ASXL3: variants seen among roughly 807,000 people sequenced by gnomAD.
ASXL3 encodes putative Polycomb group protein ASXL3.
In ASXL3, 34 loss-of-function variants were observed where a neutral mutation model predicts 170.6. The observed-to-expected ratio is 0.20, with a 90% CI of 0.15 to 0.27. The LOEUF is 0.27. Ranked by LOEUF, ASXL3 falls within the 10% of genes least tolerant of loss-of-function variation. ASXL3 has a pLI of 1.00. For synonymous variants in ASXL3, 1,002 were observed against 989.1 expected, an observed-to-expected ratio of 1.01 and a Z score of -0.24; for missense variants, 2,592 against 2,695.3, an observed-to-expected ratio of 0.96 and a Z score of 0.85.
chr18:33,586,404 C>CTTTT (rs56692329), intron 1 of ASXL3, among the ~76,000 whole-genome samples: 90 of 151,014 alleles, frequency 6.0e-4, no homozygotes, highest in African/African-American at 1.9e-3. Context: ...AATTGCCTTC[C>CTTTT]TTTTTTTTTA....
At chr18:33,696,638 G>A (rs2066777275) in intron 8 of ASXL3, among the ~76,000 whole-genome samples, 1 of 152,064 alleles carries the variant, frequency 6.6e-6, no homozygotes, top group Non-Finnish European at 1.5e-5. Flanking sequence ...CTGAGTGAGG[G>A]GGGCTGGAGG....
intron 1 of ASXL3, among the ~76,000 whole-genome samples, chr18:33,585,585 T>C (rs894473891): frequency 6.6e-6 from 1 of 152,192 alleles, no homozygotes; most frequent in Non-Finnish European, 1.5e-5. Flanking sequence ...GGTCTCCTGG[T>C]TGATTGACAT....
intron 4 of ASXL3, among the ~76,000 whole-genome samples, chr18:33,656,971 A>G (rs1331419166): frequency 2.0e-5 from 3 of 152,150 alleles, no homozygotes; most frequent in African/African-American, 7.2e-5. Flanking sequence ...GATTTTTAAA[A>G]AATTCAATGA....
At chr18:33,586,317 G>C (rs1225697952) in intron 1 of ASXL3, among the ~76,000 whole-genome samples, 1 of 151,862 alleles carries the variant, frequency 6.6e-6, no homozygotes, top group Non-Finnish European at 1.5e-5. Context: ...AGGACTCTTT[G>C]TGACCCTCCA....
chr18:33,732,424 A>G (rs539640627), intron 9 of ASXL3, among the ~76,000 whole-genome samples: 1 of 152,290 alleles, frequency 6.6e-6, no homozygotes, highest in South Asian at 2.1e-4. Flanking sequence ...TTACTGCTTC[A>G]CCTTATCCTT....
Position 33,743,795 on chromosome 18 carries a change from G to C in ASXL3, c.3947G>C (p.Ser1316Thr). 6.2e-7 allele frequency: 1 copy of C among 1,613,972 alleles called. No homozygotes were observed. The part of the protein sequence containing the change: ...SATTEGSSIS[S>T]SMDDKQLLIS... ...ACTACAGAGGGCTCCAGCATATCAA[G>C]CTCCATGGATGATAAGCAGTTACTA... Residue 1316 changes from serine to threonine, a missense_variant, in exon 12 of 12, where the codon AGC becomes ACC. This residue lies in a region of ASXL3 where 2,246 missense variants were observed against 2,219.6 expected (regional missense o/e 1.01). Transcript: ENST00000269197.
intron 1 of ASXL3, among the ~76,000 whole-genome samples, chr18:33,588,118 C>T (rs1280750754): frequency 6.6e-6 from 1 of 151,880 alleles, no homozygotes; most frequent in African/African-American, 2.4e-5. Context: ...TGGTTTATAA[C>T]CTATTGATTG....
chr18:33,712,832 G>T (rs2067090530), intron 8 of ASXL3, among the ~76,000 whole-genome samples: 2 of 152,258 alleles, frequency 1.3e-5, no homozygotes, highest in South Asian at 4.1e-4. Flanking sequence ...CATGATAGTG[G>T]TTTTTCTCTC....
chr18:33,690,065 C>T (rs2066663091), intron 8 of ASXL3, among the ~76,000 whole-genome samples: 1 of 151,772 alleles, frequency 6.6e-6, no homozygotes, highest in Admixed American at 6.6e-5. Context: ...ACTGTGTTGC[C>T]CAGGGTGGTC....
rs568221465 is a variant in ASXL3, at chr18:33,676,222, C to CAAAAAAAA, written c.715+4374_715+4381dup. Among the ~76,000 whole-genome samples, 36 of 41,732 alleles carry CAAAAAAAA rather than the reference C, an allele frequency of 8.6e-4. 5 individuals are homozygous for CAAAAAAAA. Among genetic ancestry groups the CAAAAAAAA allele is most frequent in the East Asian group, 5.2e-3 (4 of 768 alleles). The allele number at this position is 41,732 out of a possible 152,430, so 27.4% of individuals were successfully genotyped here. A position where few individuals can be genotyped will look rare whatever the true frequency, so the allele number is the denominator to read the frequency against. ...CTGGGTGACGAGCGAGACTCCGTCTCAAAAAAAAAAAAAAAAAAAAAAAAA... is the reference window on the plus strand; with the variant it reads ...CTGGGTGACGAGCGAGACTCCGTCTCAAAAAAAAAAAAAAAAAAAAAAAAAAAAAAAAA... On this transcript the variant is annotated intron_variant, in intron 7 of 11. Transcript: ENST00000269197.
chr18:33,705,355 G>A (rs1461392513), intron 8 of ASXL3, among the ~76,000 whole-genome samples: 1 of 149,688 alleles, frequency 6.7e-6, no homozygotes, highest in Non-Finnish European at 1.5e-5. Flanking sequence ...TTTGGAAAAT[G>A]TGTTTTTTGT....
At chr18:33,652,076 T>C (rs2066007566) in intron 4 of ASXL3, among the ~76,000 whole-genome samples, 1 of 152,034 alleles carries the variant, frequency 6.6e-6, no homozygotes, top group South Asian at 2.1e-4. Context: ...ATGATTTAGG[T>C]GAATTACTTG....
rs1166675107 is a variant in ASXL3 at position 33,744,587 on chromosome 18, C to G, written c.4739C>G (p.Ala1580Gly). ...CCGACTGCTCCCAGTCATAACTTTGCTGAGCAGGCACGTGGCCCAGCTCCT... is the reference window on the plus strand; with the variant it reads ...CCGACTGCTCCCAGTCATAACTTTGGTGAGCAGGCACGTGGCCCAGCTCCT... ...NEPTAPSHNFAEQARGPAPFK... is the reference protein window; with the variant it reads ...NEPTAPSHNFGEQARGPAPFK... The change falls in exon 12 of 12, where the codon GCT (alanine) becomes GGT (glycine). Residue 1580 changes from alanine to glycine, a missense_variant. By Grantham distance (60) the Ala-to-Gly change is moderately conservative. This residue lies in a region of ASXL3 where 2,246 missense variants were observed against 2,219.6 expected (regional missense o/e 1.01). Transcript: ENST00000269197. The G allele has an allele frequency of 8.7e-6, 14 of 1,610,486 alleles. No individual in the cohort carries two copies. The highest frequency in any genetic ancestry group is 1.2e-5 in the Non-Finnish European group (14 of 1,178,542).
chr18:33,701,566 C>G (rs1192530854), intron 8 of ASXL3, among the ~76,000 whole-genome samples: 1 of 151,390 alleles, frequency 6.6e-6, no homozygotes, highest in African/African-American at 2.4e-5. Flanking sequence ...GGGTTTTTTT[C>G]TTCACTGATT....
At chr18:33,735,022 A>G (rs528893833) in intron 10 of ASXL3, among the ~76,000 whole-genome samples, 11 of 152,298 alleles carry the variant, frequency 7.2e-5, no homozygotes, top group African/African-American at 2.4e-4. Flanking sequence ...ACAGAGACAC[A>G]TTCTGCTTTG....
At position 33,578,532 on chromosome 18, in the gene ASXL3, GCGGGTCAC is replaced by G. The variant is rs1393699875; in HGVS notation, c.-91_-84del. On this transcript the variant is annotated 5_prime_UTR_variant, in exon 1 of 12. Transcript: ENST00000269197. The stretch of plus-strand genomic sequence containing the variant: ...GCGCGCCTCCCCCCGCGGAGCGAGT[GCGGGTCAC>G]CGGGTCACTGGGTCATTGTCTCCGC... 5 of 663,258 alleles carry G rather than the reference GCGGGTCAC, an allele frequency of 7.5e-6. No individual in the cohort carries two copies. Among genetic ancestry groups the G allele is most frequent in the Non-Finnish European group, 8.0e-6 (4 of 501,556 alleles). The allele number at this position is 663,258 out of a possible 1,614,324, so 41.1% of individuals were successfully genotyped here.
chr18:33,749,076 C>CTTTTT lies in ASXL3; in HGVS notation c.*2494_*2498dup, dbSNP rs10616181. 2.3e-5 allele frequency: 3 copies of CTTTTT among 128,448 alleles called. No individual in the cohort carries two copies. Among genetic ancestry groups the CTTTTT allele is most frequent in the Admixed American group, 7.9e-5 (1 of 12,606 alleles). The allele number at this position is 128,448 out of a possible 1,614,324, so 8.0% of individuals were successfully genotyped here. A position where few individuals can be genotyped will look rare whatever the true frequency, so the allele number is the denominator to read the frequency against. Reference sequence around the variant, plus strand: ...CCGATTAGCATAATTTTTCTGCGCCCTTTTTTTTTTTTTTTTTGCTCCAGT... The same window carrying CTTTTT: ...CCGATTAGCATAATTTTTCTGCGCCCTTTTTTTTTTTTTTTTTTTTTTGCTCCAGT... On this transcript the variant is annotated 3_prime_UTR_variant, in exon 12 of 12. Coordinates refer to ENST00000269197, the MANE Select transcript of ASXL3 (RefSeq NM_030632.3).
chr18:33,585,614 C>G (rs1452625307), intron 1 of ASXL3, among the ~76,000 whole-genome samples: 2 of 152,186 alleles, frequency 1.3e-5, no homozygotes, highest in Non-Finnish European at 2.9e-5. Flanking sequence ...CTGACACATT[C>G]TTACGTAGTT....
At chr18:33,631,001 T>G (rs931929303) in intron 2 of ASXL3, among the ~76,000 whole-genome samples, 2 of 151,942 alleles carry the variant, frequency 1.3e-5, no homozygotes, top group Non-Finnish European at 2.9e-5. Flanking sequence ...AAATGTAACA[T>G]TTAAATCCAC....
Sources: allele counts gnomAD v4.1 joint callset (sites outside exome capture counted in the v4.1 genomes callset), GRCh38; gene constraint gnomAD v4.1.1; regional missense constraint gnomAD v4.1.1; transcripts MANE v1.5; gene names NCBI Gene and HGNC (gene_info 2026-07-23, HGNC 2026-07-21).